The following KCNIP4 variants were observed in gnomAD, a reference collection of about 807,000 sequenced individuals.
KCNIP4 encodes the protein Kv channel-interacting protein 4.
Under a neutral mutation model 34.0 loss-of-function variants are expected in KCNIP4, and 12 were observed. The observed-to-expected ratio is 0.35, with a 90% CI of 0.23 to 0.57. The LOEUF is 0.57. Among genes scored for constraint, KCNIP4 ranks in the 20% least tolerant of loss-of-function variants. The pLI is 0.83. For missense variants in KCNIP4, 238 were observed against 311.7 expected (o/e 0.76, Z 1.78); for synonymous variants, 124 against 102.2 (o/e 1.21, Z -1.29).
chr4:20,763,448 CAGA>C (rs1304725757), intron 3 of KCNIP4, among the ~76,000 whole-genome samples: 1 of 152,102 alleles, frequency 6.6e-6, no homozygotes, highest in African/African-American at 2.4e-5. Context: ...CTGTGTCATC[CAGA>C]AGGAGGAAAA....
At chr4:21,561,663 A>C (rs1362395360) in intron 1 of KCNIP4, among the ~76,000 whole-genome samples, 1 of 151,906 alleles carries the variant, frequency 6.6e-6, no homozygotes, top group Admixed American at 6.6e-5. Context: ...TCAGACAAAA[A>C]AGTTAAAAAA....
intron 1 of KCNIP4, among the ~76,000 whole-genome samples, chr4:21,628,040 T>G (rs1367540365): frequency 1.3e-5 from 2 of 152,144 alleles, no homozygotes; most frequent in African/African-American, 4.8e-5. Context: ...ATAGATATAT[T>G]TTACATAATA....
chr4:21,079,975 T>C (rs1745858627), intron 1 of KCNIP4, among the ~76,000 whole-genome samples: 4 of 151,930 alleles, frequency 2.6e-5, no homozygotes, highest in Admixed American at 1.3e-4. Context: ...TTTAGCTTAG[T>C]GAAACCCATT....
chr4:20,789,003 C>T (rs1372577025), intron 3 of KCNIP4, among the ~76,000 whole-genome samples: 1 of 152,086 alleles, frequency 6.6e-6, no homozygotes, highest in African/African-American at 2.4e-5. Flanking sequence ...CCATTCATTT[C>T]CACATTAAAT....
At chr4:21,648,818 T>A (rs4524370) in intron 1 of KCNIP4, among the ~76,000 whole-genome samples, 49,117 of 151,984 alleles carry the variant, frequency 0.32, 9,489 homozygotes, top group East Asian at 0.9. Flanking sequence ...TTACATAATC[T>A]AGTAGAGGCC....
intron 1 of KCNIP4, among the ~76,000 whole-genome samples, chr4:21,549,279 T>C (rs1297387677): frequency 6.6e-6 from 1 of 151,906 alleles, no homozygotes; most frequent in Non-Finnish European, 1.5e-5. Flanking sequence ...CTGATACAAT[T>C]TGGATGCTTG....
chr4:21,263,273 G>A (rs1283647333), intron 1 of KCNIP4, among the ~76,000 whole-genome samples: 1 of 152,234 alleles, frequency 6.6e-6, no homozygotes, highest in African/African-American at 2.4e-5. Context: ...TTGTGAGGAA[G>A]ATACATTACC....
intron 2 of KCNIP4, among the ~76,000 whole-genome samples, chr4:20,860,418 G>A (rs1722073748): frequency 6.6e-6 from 1 of 152,168 alleles, no homozygotes. Context: ...GATTATAAGC[G>A]TGAGTCACCG....
chr4:21,028,059 A>T (rs560540870), intron 1 of KCNIP4, among the ~76,000 whole-genome samples: 13 of 152,160 alleles, frequency 8.5e-5, no homozygotes, highest in Non-Finnish European at 1.6e-4. Flanking sequence ...ATTTCAGTTG[A>T]TGAAAGTGCC....
At chr4:21,467,635 C>T (rs917940261) in intron 1 of KCNIP4, among the ~76,000 whole-genome samples, 8 of 152,176 alleles carry the variant, frequency 5.3e-5, no homozygotes, top group East Asian at 3.9e-4. Flanking sequence ...ACAGCAGACA[C>T]GCCAAGACAT....
At chr4:21,095,148 C>T (rs1747351043) in intron 1 of KCNIP4, among the ~76,000 whole-genome samples, 1 of 152,158 alleles carries the variant, frequency 6.6e-6, no homozygotes, top group Non-Finnish European at 1.5e-5. Flanking sequence ...AAAGATCAGA[C>T]ACTCACAGTT....
At chr4:20,808,706 C>T (rs987840855) in intron 3 of KCNIP4, among the ~76,000 whole-genome samples, 3 of 152,028 alleles carry the variant, frequency 2.0e-5, no homozygotes, top group Non-Finnish European at 2.9e-5. Flanking sequence ...CAGTTCCATA[C>T]GCTGGATGGA....
At chr4:21,834,367 G>T (rs1234325500) in intron 1 of KCNIP4, among the ~76,000 whole-genome samples, 3 of 152,134 alleles carry the variant, frequency 2.0e-5, no homozygotes, top group Non-Finnish European at 2.9e-5. Context: ...GTGAATGGGA[G>T]TTCACTCATG....
intron 1 of KCNIP4, among the ~76,000 whole-genome samples, chr4:21,596,913 G>C (rs149141103): frequency 7.9e-5 from 12 of 152,060 alleles, no homozygotes; most frequent in Non-Finnish European, 1.6e-4. Context: ...ACCATCCTCC[G>C]AGGAGATGGA....
chr4:21,091,939 T>C (rs1051213873), intron 1 of KCNIP4, among the ~76,000 whole-genome samples: 2 of 151,940 alleles, frequency 1.3e-5, no homozygotes, highest in East Asian at 1.9e-4. Context: ...CCATGAAAAA[T>C]AACAATTTTT....
chr4:20,926,788 C>G (rs1419405701), intron 1 of KCNIP4, among the ~76,000 whole-genome samples: 1 of 152,138 alleles, frequency 6.6e-6, no homozygotes, highest in Non-Finnish European at 1.5e-5. Context: ...AAAAGCTTCT[C>G]TTGGATTTCT....
At chr4:21,046,567 AG>A (rs1422218397) in intron 1 of KCNIP4, among the ~76,000 whole-genome samples, 1 of 151,148 alleles carries the variant, frequency 6.6e-6, no homozygotes, top group African/African-American at 2.4e-5. Context: ...TGAGGGACAG[AG>A]TTACTAGCTA....
At chr4:21,520,760 T>C (rs1387999409) in intron 1 of KCNIP4, among the ~76,000 whole-genome samples, 1 of 152,164 alleles carries the variant, frequency 6.6e-6, no homozygotes, top group East Asian at 1.9e-4. Context: ...GAGAAAATAA[T>C]TTAGGAAAAC....
intron 1 of KCNIP4, among the ~76,000 whole-genome samples, chr4:21,796,491 C>T (rs1047937273): frequency 2.0e-5 from 3 of 152,192 alleles, no homozygotes; most frequent in African/African-American, 7.2e-5. Context: ...CATATAGACA[C>T]ACATCTTCAT....
Sources: allele counts gnomAD v4.1 joint callset (sites outside exome capture counted in the v4.1 genomes callset), GRCh38; gene constraint gnomAD v4.1.1; transcripts MANE v1.5; gene names NCBI Gene and HGNC (gene_info 2026-07-23, HGNC 2026-07-21).